The following MYO9B variants were observed in gnomAD, a reference collection of about 807,000 sequenced individuals.
MYO9B encodes unconventional myosin-IXb.
Under a neutral mutation model 229.5 loss-of-function variants are expected in MYO9B, and 71 were observed. The ratio of observed to expected loss-of-function variants is 0.31; its 90% CI spans 0.26 to 0.38. The LOEUF (loss-of-function observed/expected upper bound fraction) is 0.38, where lower values mean the gene tolerates loss of function less well. MYO9B is among the 10% of genes least tolerant of loss of function. The probability of loss-of-function intolerance (pLI) is 1.00; values close to 1 mark genes in which losing one functional copy is unlikely to be tolerated. For synonymous variants in MYO9B, 1,185 were observed against 1,235.8 expected (o/e 0.96, Z 0.86); for missense variants, 2,255 against 2,920.5 (o/e 0.77, Z 5.25).
chr19:17,135,925 C>T (rs185725770), intron 2 of MYO9B, among the ~76,000 whole-genome samples: 4 of 152,164 alleles, frequency 2.6e-5, no homozygotes, highest in Admixed American at 6.5e-5. Flanking sequence ...CTGCCACAGA[C>T]CAGGCTTTAC....
Position 17,210,462 on chromosome 19 carries a change from G to A in MYO9B, c.5796+82G>A, listed in dbSNP as rs1284841108. On this transcript the variant is annotated intron_variant, in intron 37 of 39. Transcript: ENST00000682292. ...GGTTCCCTGGGGCCCTGGGCCCCTC[G>A]TAGGATAGACAGAGCCTGTCCTAAC... 2.5e-5 allele frequency: 36 copies of A among 1,449,960 alleles called. 1 individual carries two copies. In the East Asian group the frequency reaches 5.0e-4, roughly 20 times the overall value. The allele number at this position is 1,449,960 out of a possible 1,614,324, so 89.8% of individuals were successfully genotyped here.
At chr19:17,188,811 G>C (rs1370823195) in intron 19 of MYO9B, among the ~76,000 whole-genome samples, 2 of 151,968 alleles carry the variant, frequency 1.3e-5, no homozygotes, top group African/African-American at 4.8e-5. Flanking sequence ...CTAGGAGTTT[G>C]AGACCAGCCT....
At chr19:17,147,173 T>C (rs1342009048) in intron 3 of MYO9B, among the ~76,000 whole-genome samples, 2 of 152,234 alleles carry the variant, frequency 1.3e-5, no homozygotes, top group African/African-American at 4.8e-5. Context: ...AACAGCCACT[T>C]GTCCCACCTG....
chr19:17,212,871 C>G lies in MYO9B; in HGVS notation c.*561C>G, dbSNP rs544909735. 1 of 152,404 alleles carries G rather than the reference C, an allele frequency of 6.6e-6. No individual in the cohort carries two copies. The highest frequency in any genetic ancestry group is 2.4e-5 in the African/African-American group (1 of 41,452). 9.4% of individuals were successfully genotyped at this position (152,404 alleles called of 1,614,324 possible). A position where few individuals can be genotyped will look rare whatever the true frequency, so the allele number is the denominator to read the frequency against. On this transcript the variant is annotated 3_prime_UTR_variant, in exon 40 of 40. Transcript: ENST00000682292. This position sits in a 1 kb window ranked among gnomAD's most constrained non-coding sequence, Gnocchi z 5.4. The stretch of plus-strand genomic sequence containing the variant: ...TGACCCGTGCCTCTCTGACACATGT[C>G]TCCGGGGGGCAGCCACCTGGCCAAT...
At chr19:17,136,792 T>G (rs116804703) in intron 2 of MYO9B, among the ~76,000 whole-genome samples, 11 of 152,080 alleles carry the variant, frequency 7.2e-5, no homozygotes, top group African/African-American at 2.7e-4. Context: ...AGAGACTGTT[T>G]CAAAGTTCAA....
chr19:17,199,413 G>T (rs1412914533), intron 24 of MYO9B, among the ~76,000 whole-genome samples: 1 of 152,034 alleles, frequency 6.6e-6, no homozygotes, highest in African/African-American at 2.4e-5. Context: ...TCCCCCTGTG[G>T]CTTCTGTTTG....
At chr19:17,113,709 G>A (rs893018420) in intron 2 of MYO9B, among the ~76,000 whole-genome samples, 2 of 152,108 alleles carry the variant, frequency 1.3e-5, no homozygotes, top group Non-Finnish European at 2.9e-5. Context: ...CTCCTGTGTG[G>A]CCTCCCCGGG....
intron 2 of MYO9B, among the ~76,000 whole-genome samples, chr19:17,138,516 C>T (rs1253184861): frequency 6.6e-6 from 1 of 152,072 alleles, no homozygotes; most frequent in Non-Finnish European, 1.5e-5. Context: ...TGGCCTCAAG[C>T]CATCCTCCTG....
At chr19:17,083,895 C>G (rs1437523537) in intron 1 of MYO9B, among the ~76,000 whole-genome samples, 2 of 152,072 alleles carry the variant, frequency 1.3e-5, no homozygotes, top group Non-Finnish European at 2.9e-5. Context: ...AGGTGATCCA[C>G]CCACCTCAGC....
rs77659972 is a variant in MYO9B, at chr19:17,123,749, C to T, written c.840+21192C>T. Among the ~76,000 whole-genome samples the T allele has an allele frequency of 6.4e-3, 967 of 152,130 alleles. 73 individuals are homozygous for T. The East Asian group carries it at 0.16, about 26-fold the overall frequency. On this transcript the variant is annotated intron_variant, in intron 2 of 39. Transcript: ENST00000682292. ...TAAAAGATACAAGGAGAAACACACA[C>T]ACAGCTTGGTTGAGTAGATAGAAAA...
chr19:17,169,684 A>AG (rs1040441206), intron 11 of MYO9B, among the ~76,000 whole-genome samples: 169 of 151,460 alleles, frequency 1.1e-3, no homozygotes, highest in African/African-American at 4.0e-3. Flanking sequence ...TCCAGCTTCT[A>AG]GGGGTCCAAG....
chr19:17,168,334 T>G (rs1353516300), intron 11 of MYO9B, among the ~76,000 whole-genome samples: 3 of 152,078 alleles, frequency 2.0e-5, no homozygotes, highest in Non-Finnish European at 2.9e-5. Context: ...CCGGCTAATT[T>G]TTGTATTTCT....
At chr19:17,143,816 G>A (rs970587753) in intron 2 of MYO9B, among the ~76,000 whole-genome samples, 1 of 152,220 alleles carries the variant, frequency 6.6e-6, no homozygotes, top group Non-Finnish European at 1.5e-5. Flanking sequence ...AGCTATTTGG[G>A]AGGCTGAGGC....
Position 17,090,481 on chromosome 19 carries a change from T to G in MYO9B, c.-58-11179T>G, listed in dbSNP as rs79089184. On this transcript the variant is annotated intron_variant, in intron 1 of 39. Coordinates refer to ENST00000682292, the MANE Select transcript of MYO9B (RefSeq NM_004145.4). Reference sequence around the variant, plus strand: ...TCCTTTTTATGGCCAAATAATATTCTGTTGGATGAATGGGCCACGTTGTGT... The same window carrying G: ...TCCTTTTTATGGCCAAATAATATTCGGTTGGATGAATGGGCCACGTTGTGT... Among the ~76,000 whole-genome samples, 484 of 152,350 alleles carry G rather than the reference T, an allele frequency of 3.2e-3. 17 individuals are homozygous for G. The East Asian group carries it at 0.079, about 25-fold the overall frequency.
chr19:17,197,968 C>A (rs933094815), intron 23 of MYO9B, 110 bp downstream of exon 23: 4 of 1,435,658 alleles, frequency 2.8e-6, no homozygotes, highest in Non-Finnish European at 3.8e-6. Flanking sequence ...GCGAGAGAAT[C>A]GCTTGAACGC....
At chr19:17,203,550 T>C (rs1599424240) in intron 30 of MYO9B, among the ~76,000 whole-genome samples, 1 of 150,692 alleles carries the variant, frequency 6.6e-6, no homozygotes, top group South Asian at 2.1e-4. Flanking sequence ...GAGGCGAAGG[T>C]TGCAGTGAGT....
intron 1 of MYO9B, among the ~76,000 whole-genome samples, chr19:17,077,676 C>G (rs1343533559): frequency 6.6e-6 from 1 of 152,178 alleles, no homozygotes; most frequent in East Asian, 1.9e-4. Context: ...CGTTTTTCAA[C>G]CTTGAAACCC....
intron 1 of MYO9B, among the ~76,000 whole-genome samples, chr19:17,098,246 G>C (rs574360473): frequency 5.3e-5 from 8 of 152,220 alleles, no homozygotes; most frequent in African/African-American, 1.7e-4. Flanking sequence ...GTACAGACAG[G>C]GTTTCACCAT....
At chr19:17,148,053 G>A (rs1213520457) in intron 3 of MYO9B, among the ~76,000 whole-genome samples, 1 of 152,102 alleles carries the variant, frequency 6.6e-6, no homozygotes, top group Non-Finnish European at 1.5e-5. Flanking sequence ...CACCAGCAGT[G>A]CACAAAGGTC....
Sources: allele counts gnomAD v4.1 joint callset (sites outside exome capture counted in the v4.1 genomes callset), GRCh38; gene constraint gnomAD v4.1.1; non-coding constraint Gnocchi (gnomAD v3.1); transcripts MANE v1.5; gene names NCBI Gene and HGNC (gene_info 2026-07-23, HGNC 2026-07-21).